MEIOSIN: variants seen among roughly 807,000 people sequenced by gnomAD.
MEIOSIN encodes meiosis initiator, also known as meiosis initiator protein.
A neutral mutation model predicts 23.4 loss-of-function variants in MEIOSIN; 18 were observed. The ratio of observed to expected loss-of-function variants is 0.77; its 90% CI spans 0.53 to 1.14. MEIOSIN has a LOEUF of 1.14. Among genes scored for constraint, MEIOSIN ranks in the 50% most tolerant of loss-of-function variants. MEIOSIN has a pLI of 0.00. For synonymous variants in MEIOSIN, 187 were observed against 100.6 expected, an observed-to-expected ratio of 1.86 and a Z score of -5.14; for missense variants, 428 against 242.9, an observed-to-expected ratio of 1.76 and a Z score of -5.07.
At chr19:45,755,917 T>C (rs1051757338) in intron 7 of MEIOSIN, 53 bp from the exon 8 acceptor site, 11 of 685,376 alleles carry the variant, frequency 1.6e-5, no homozygotes, top group Admixed American at 4.1e-5. Context: ...GCTTCTGGGC[T>C]TCCTGGAATT....
At chr19:45,738,573 C>T (rs534946503) in intron 2 of MEIOSIN, among the ~76,000 whole-genome samples, 9 of 152,288 alleles carry the variant, frequency 5.9e-5, no homozygotes, top group South Asian at 2.1e-4. Flanking sequence ...GAGCCAAGAT[C>T]GCGCCGCTGC....
chr19:45,740,994 C>T lies in MEIOSIN; in HGVS notation c.176+1264C>T, dbSNP rs145174712. The stretch of plus-strand genomic sequence containing the variant: ...TCCAGGACTTAAGGGATATAACCAG[C>T]GCAGCATTATGGCTTCTGTGGGCCC... On this transcript the variant is annotated intron_variant, in intron 3 of 14. Coordinates refer to ENST00000457052, the MANE Select transcript of MEIOSIN (RefSeq NM_001310124.2). 1.9e-3 allele frequency among the ~76,000 whole-genome samples: 292 copies of T among 152,050 alleles called. 2 individuals are homozygous for T. Among genetic ancestry groups the T allele is most frequent in the African/African-American group, 6.7e-3 (276 of 41,460 alleles).
chr19:45,753,822 C>G (rs996068016), intron 6 of MEIOSIN, 34 bp downstream of exon 6: 1 of 688,300 alleles, frequency 1.5e-6, no homozygotes, highest in Non-Finnish European at 2.6e-6. Flanking sequence ...AACTAGAAGC[C>G]CAGGTCACCC....
intron 3 of MEIOSIN, among the ~76,000 whole-genome samples, chr19:45,744,841 C>T (rs147173064): frequency 4.6e-5 from 7 of 152,178 alleles, no homozygotes; most frequent in Admixed American, 2.0e-4. Context: ...AAGAGAGTGA[C>T]GTGGTCAGAT....
At chr19:45,736,123 C>T (rs1039215304) in intron 2 of MEIOSIN, among the ~76,000 whole-genome samples, 1 of 152,116 alleles carries the variant, frequency 6.6e-6, no homozygotes, top group Non-Finnish European at 1.5e-5. Flanking sequence ...ACTATAGCCT[C>T]GGACTCCTGG....
intron 2 of MEIOSIN, among the ~76,000 whole-genome samples, chr19:45,735,767 C>T (rs1968399161): frequency 6.6e-6 from 1 of 152,162 alleles, no homozygotes; most frequent in South Asian, 2.1e-4. Flanking sequence ...ACCTCCGCCT[C>T]CTGAACTCAA....
At chr19:45,754,375 G>A in intron 6 of MEIOSIN, 104 bp from the exon 7 acceptor site, 2 of 615,930 alleles carry the variant, frequency 3.2e-6, no homozygotes, top group Non-Finnish European at 5.8e-6. Flanking sequence ...ACCAGGCCAG[G>A]CATAGCTTTG....
chr19:45,761,011 G>C (rs190621547), intron 11 of MEIOSIN, among the ~76,000 whole-genome samples: 1 of 152,134 alleles, frequency 6.6e-6, no homozygotes, highest in East Asian at 1.9e-4. Flanking sequence ...GCCCAGGCTG[G>C]AGTGCAGTGT....
chr19:45,742,787 ACT>A (rs1449226459), intron 3 of MEIOSIN, among the ~76,000 whole-genome samples: 2 of 152,022 alleles, frequency 1.3e-5, no homozygotes, highest in African/African-American at 4.8e-5. Flanking sequence ...ACAGAGCAAG[ACT>A]CTGTCTCAAA....
At position 45,756,015 on chromosome 19, in the gene MEIOSIN, C is replaced by A; in HGVS notation, c.848C>A (p.Ala283Glu). 1 of 702,886 alleles carries A rather than the reference C, an allele frequency of 1.4e-6. No homozygotes were observed. The highest frequency in any genetic ancestry group is 1.5e-5 in the South Asian group (1 of 67,588). The allele number at this position is 702,886 out of a possible 1,614,324, so 43.5% of individuals were successfully genotyped here. ...GSVQDDAPFP[A>E]LLAQEDVARI... Reference sequence around the variant, plus strand: ...GTCCAGGATGACGCACCTTTCCCTGCGCTCCTGGCTCAGGAAGATGTGGCG... The same window carrying A: ...GTCCAGGATGACGCACCTTTCCCTGAGCTCCTGGCTCAGGAAGATGTGGCG... Residue 283 changes from alanine (A) to glutamate (E), a missense_variant, in exon 8 of 15, where the codon GCG (alanine) becomes GAG (glutamate). Physicochemically the swap from Ala to Glu is moderately radical, Grantham distance 107 (BLOSUM62 -1). Transcript: ENST00000457052.
chr19:45,762,364 C>T (rs75132616), intron 13 of MEIOSIN, among the ~76,000 whole-genome samples, 181 bp downstream of exon 13: 3,943 of 152,134 alleles, frequency 0.026, 168 homozygotes, highest in African/African-American at 0.09. Context: ...TGGACAGGGT[C>T]CATCCATTGT....
chr19:45,748,060 A>G (rs1239510142), intron 4 of MEIOSIN, among the ~76,000 whole-genome samples: 2 of 151,680 alleles, frequency 1.3e-5, no homozygotes. Flanking sequence ...CTCCAGCCTG[A>G]GCAACAGAGT....
chr19:45,763,290 A>G (rs1968985593), intron 13 of MEIOSIN, 48 bp from the exon 14 acceptor site: 2 of 398,552 alleles, frequency 5.0e-6, no homozygotes, highest in Admixed American at 4.4e-5. Flanking sequence ...GTTCTCAGTC[A>G]GGGTGTCCTG....
At chr19:45,740,265 A>C (rs1441200792) in intron 3 of MEIOSIN, among the ~76,000 whole-genome samples, 1 of 152,240 alleles carries the variant, frequency 6.6e-6, no homozygotes, top group Non-Finnish European at 1.5e-5. Context: ...TAAAGGAGGA[A>C]GAAACAGGCA....
chr19:45,735,340 C>T, intron 1 of MEIOSIN, 37 bp from the exon 2 acceptor site: 1 of 701,508 alleles, frequency 1.4e-6, no homozygotes, highest in Non-Finnish European at 2.6e-6. Flanking sequence ...TCCTGCAATC[C>T]CAGAGGTCAC....
At chr19:45,753,109 A>G (rs1568557810) in intron 5 of MEIOSIN, among the ~76,000 whole-genome samples, 1 of 151,952 alleles carries the variant, frequency 6.6e-6, no homozygotes. Flanking sequence ...CCTGACATGT[A>G]GTGTTGAGGA....
Position 45,764,270 on chromosome 19 carries a change from C to G in MEIOSIN, c.*152C>G. 1 of 397,318 alleles carries G rather than the reference C, an allele frequency of 2.5e-6. No individual in the cohort carries two copies. The highest frequency in any genetic ancestry group is 4.4e-6 in the Non-Finnish European group (1 of 225,782). The allele number at this position is 397,318 out of a possible 1,614,324, so 24.6% of individuals were successfully genotyped here. A position where few individuals can be genotyped will look rare whatever the true frequency, so the allele number is the denominator to read the frequency against. The stretch of plus-strand genomic sequence containing the variant: ...ACTGGGGAGGGGGGCACTGATTAGC[C>G]CCAACCGCTGGGCACATTTGCCTGG... On this transcript the variant is annotated 3_prime_UTR_variant, in exon 15 of 15. Transcript: ENST00000457052.
intron 2 of MEIOSIN, among the ~76,000 whole-genome samples, chr19:45,736,609 C>T (rs1465964333): frequency 2.6e-5 from 4 of 152,122 alleles, no homozygotes; most frequent in Admixed American, 1.3e-4. Flanking sequence ...CCTCGCGATC[C>T]GCCCGCTGGA....
intron 4 of MEIOSIN, among the ~76,000 whole-genome samples, chr19:45,748,433 C>T (rs1274112563): frequency 6.6e-6 from 1 of 152,150 alleles, no homozygotes; most frequent in Non-Finnish European, 1.5e-5. Context: ...TCCAAAGGCT[C>T]TTGCCTTCAA....
Sources: gnomAD v4.1 joint callset for allele counts (sites outside exome capture counted in the v4.1 genomes callset) on GRCh38, gnomAD v4.1.1 for gene constraint, MANE v1.5 for transcripts, NCBI Gene and HGNC (gene_info 2026-07-23, HGNC 2026-07-21) for gene names.